The following DPEP1 variants were observed in gnomAD, a reference collection of about 807,000 sequenced individuals.
DPEP1 encodes beta-lactamase.
In DPEP1, 50 loss-of-function variants were observed where a neutral mutation model predicts 42.3. The observed-to-expected ratio is 1.18, with a 90% CI of 0.94 to 1.50. The LOEUF is 1.50. Ranked by LOEUF, DPEP1 falls within the 40% of genes most tolerant of loss-of-function variation. The pLI, the probability that DPEP1 is intolerant of heterozygous loss-of-function variation, is 0.00. For missense variants in DPEP1, 663 were observed against 553.0 expected (o/e 1.20, Z -1.99); for synonymous variants, 297 against 234.0 (o/e 1.27, Z -2.46).
chr16:89,622,611 C>T (rs1271157175), intron 1 of DPEP1, among the ~76,000 whole-genome samples: 2 of 152,102 alleles, frequency 1.3e-5, no homozygotes, highest in East Asian at 3.9e-4. Flanking sequence ...TGGTGAAACC[C>T]TGTCTCTACT....
chr16:89,616,677 G>A (rs142459544), intron 1 of DPEP1, among the ~76,000 whole-genome samples: 6 of 152,204 alleles, frequency 3.9e-5, no homozygotes, highest in Non-Finnish European at 5.9e-5. Flanking sequence ...TGGGACGGCT[G>A]GGCCTTCTCC....
At chr16:89,619,800 GCCCTGTGCCCCCCA>G (rs1567980929) in intron 1 of DPEP1, among the ~76,000 whole-genome samples, 3 of 278 alleles carry the variant, frequency 0.011, no homozygotes, top group African/African-American at 0.054. Flanking sequence ...TCCCTGCAGC[GCCCTGTGCCCCCCA>G]CTCCCCTCTC....
chr16:89,635,251 C>G (rs1371053687), intron 2 of DPEP1, among the ~76,000 whole-genome samples: 1 of 150,516 alleles, frequency 6.6e-6, no homozygotes, highest in African/African-American at 2.5e-5. Context: ...CACGAGAGCT[C>G]CTACCCTCAC....
At chr16:89,616,816 C>CCAGGAAGTGGCCAGGAAGCGGA (rs1010474248) in intron 1 of DPEP1, 2 of 246,594 alleles carry the variant, frequency 8.1e-6, no homozygotes, top group South Asian at 6.7e-5. Flanking sequence ...CAGAAAGCGG[C>CCAGGAAGTGGCCAGGAAGCGGA]CAGGAAGTGG....
chr16:89,636,391 G>T lies in DPEP1; in HGVS notation c.365G>T (p.Ser122Ile). The change falls in exon 4 of 11, where the codon AGT becomes ATT. Residue 122 changes from serine to isoleucine, a missense_variant. Coordinates refer to ENST00000690203, the MANE Select transcript of DPEP1 (RefSeq NM_001389466.1). ...YPETFLYVTS[S>I]AGIRQAFREG... Reference sequence around the variant, plus strand: ...GAGACCTTCCTGTATGTCACCAGCAGTGCAGGTGGGGTCCTGACCTGGGTC... The same window carrying T: ...GAGACCTTCCTGTATGTCACCAGCATTGCAGGTGGGGTCCTGACCTGGGTC... The T allele has an allele frequency of 1.2e-6, 2 of 1,611,546 alleles. No individual in the cohort carries two copies. Among genetic ancestry groups the T allele is most frequent in the Admixed American group, 1.7e-5 (1 of 59,936 alleles).
At chr16:89,632,081 C>A (rs993421762) in intron 2 of DPEP1, among the ~76,000 whole-genome samples, 1 of 152,096 alleles carries the variant, frequency 6.6e-6, no homozygotes, top group African/African-American at 2.4e-5. Flanking sequence ...CTCACTCTGT[C>A]ACCTGTCACC....
In DPEP1 at chr16:89,630,353, C is replaced by T. The variant is rs574937474; in HGVS notation, c.-58C>T. On this transcript the variant is annotated 5_prime_UTR_variant, in exon 2 of 11. Coordinates refer to ENST00000690203, the MANE Select transcript of DPEP1 (RefSeq NM_001389466.1). ...AAGCTCATCCTTCTGCACGGGCCAG[C>T]CAGGCCAGCACAGAGGCACCAGGGC... 2.4e-4 allele frequency: 344 copies of T among 1,458,882 alleles called. 2 individuals are homozygous for T. The Middle Eastern group carries it at 3.3e-3, about 14-fold the overall frequency. 90.4% of individuals were successfully genotyped at this position (1,458,882 alleles called of 1,614,324 possible).
rs766750342 is a variant in DPEP1, at chr16:89,635,965, G to C, written c.162G>C (p.Glu54Asp). The C allele has an allele frequency of 1.9e-6, 3 of 1,612,268 alleles. No homozygotes were observed. Among genetic ancestry groups the C allele is most frequent in the Admixed American group, 1.7e-5 (1 of 59,930 alleles). Reference sequence around the variant, plus strand: ...TGTTCAACAACCGGCTGCAGGACGAGAGGGCCAACCTGACCACCTTGGCCG... The same window carrying C: ...TGTTCAACAACCGGCTGCAGGACGACAGGGCCAACCTGACCACCTTGGCCG... ...LDMFNNRLQDERANLTTLAGT... is the reference protein window; with the variant it reads ...LDMFNNRLQDDRANLTTLAGT... The change falls in exon 3 of 11, where the codon GAG (glutamate) becomes GAC (aspartate). Residue 54 changes from glutamate to aspartate, a missense_variant. By Grantham distance (45) the Glu-to-Asp change is conservative (BLOSUM62 2). Transcript: ENST00000690203.
At chr16:89,639,906 C>T (rs1369688846), downstream of DPEP1, among the ~76,000 whole-genome samples, 2 of 131,670 alleles carry the variant, frequency 1.5e-5, no homozygotes, top group African/African-American at 5.9e-5. Flanking sequence ...CCAACCCCGA[C>T]CTCAGGTGAT....
In DPEP1 at chr16:89,638,422, C is replaced by T; in HGVS notation, c.*200C>T. 7.5e-7 allele frequency: 1 copy of T among 1,341,406 alleles called. No homozygotes were observed. The highest frequency in any genetic ancestry group is 9.5e-7 in the Non-Finnish European group (1 of 1,051,872). The allele number at this position is 1,341,406 out of a possible 1,614,324, so 83.1% of individuals were successfully genotyped here. A position where few individuals can be genotyped will look rare whatever the true frequency, so the allele number is the denominator to read the frequency against. On this transcript the variant is annotated 3_prime_UTR_variant, in exon 11 of 11. Coordinates refer to ENST00000690203, the MANE Select transcript of DPEP1 (RefSeq NM_001389466.1). ...CACAGTAGGCCCGCAATAAAAGCAA[C>T]ACCCCTTCACATCCTGGGGTACGTG...
intron 2 of DPEP1, among the ~76,000 whole-genome samples, chr16:89,633,364 C>A (rs1403328840): frequency 6.6e-6 from 1 of 152,274 alleles, no homozygotes; most frequent in East Asian, 1.9e-4. Context: ...GCCCGCCCAT[C>A]TGCCCAGGGG....
intron 1 of DPEP1, among the ~76,000 whole-genome samples, chr16:89,614,170 G>T (rs2059358765): frequency 6.6e-6 from 1 of 152,050 alleles, no homozygotes; most frequent in Non-Finnish European, 1.5e-5. Context: ...CAGACCCGCC[G>T]CTGTCCTCCC....
intron 1 of DPEP1, chr16:89,626,554 T>C (rs1011342338): frequency 2.0e-5 from 3 of 152,116 alleles, no homozygotes; most frequent in African/African-American, 7.2e-5. Flanking sequence ...TTCTCCATGT[T>C]GGTCAGGCTG....
intron 1 of DPEP1, among the ~76,000 whole-genome samples, chr16:89,614,092 G>A (rs1013340436): frequency 6.6e-6 from 1 of 151,898 alleles, no homozygotes; most frequent in African/African-American, 2.4e-5. Context: ...CTAGGAAACT[G>A]GGGCCAGGTG....
Position 89,636,657 on chromosome 16 carries a change from C to T in DPEP1, c.495C>T (p.Thr165=), listed in dbSNP as rs774380984. The change falls in exon 5 of 11, where the codon ACC becomes ACT. Residue 165 remains threonine (T), a synonymous_variant. Coordinates refer to ENST00000690203, the MANE Select transcript of DPEP1 (RefSeq NM_001389466.1). ...ATCAGCTGGGCATGCGGTACCTGAC[C>T]CTCACCCACAGCTGCAACACGCCCT... is the stretch of plus-strand genomic sequence containing the variant. ...ALYQLGMRYL[T]LTHSCNTPWA... The T allele has an allele frequency of 1.9e-6, 3 of 1,612,436 alleles. No homozygotes were observed. Among genetic ancestry groups the T allele is most frequent in the Non-Finnish European group, 2.5e-6 (3 of 1,179,956 alleles).
rs61024711 is a variant in DPEP1, at chr16:89,634,329, T to C, written c.105-1579T>C. On this transcript the variant is annotated intron_variant, in intron 2 of 10. Transcript: ENST00000690203. ...ATCTCGATCTCCTGACCTTGTGATC[T>C]GCCCACCTCGGCCTCCCAAAGTGCT... Among the ~76,000 whole-genome samples the C allele has an allele frequency of 9.7e-3, 1,478 of 152,164 alleles. 23 individuals are homozygous for C. The highest frequency in any genetic ancestry group is 0.034 in the African/African-American group (1,419 of 41,524).
At chr16:89,622,307 C>G (rs1265413802) in intron 1 of DPEP1, among the ~76,000 whole-genome samples, 1 of 152,172 alleles carries the variant, frequency 6.6e-6, no homozygotes, top group Non-Finnish European at 1.5e-5. Flanking sequence ...ACAAAGGACC[C>G]TGGTCAGTCG....
chr16:89,624,599 A>G (rs2059484862), intron 1 of DPEP1, among the ~76,000 whole-genome samples: 3 of 151,520 alleles, frequency 2.0e-5, no homozygotes, highest in Middle Eastern at 3.2e-3. Flanking sequence ...CAGTGGCGCC[A>G]TCTCGGCTCA....
At chr16:89,616,380 G>A (rs1000488543) in intron 1 of DPEP1, among the ~76,000 whole-genome samples, 4 of 152,180 alleles carry the variant, frequency 2.6e-5, no homozygotes, top group African/African-American at 4.8e-5. Context: ...AGCTGTGAGA[G>A]GATCGGACAG....
Sources: gnomAD v4.1 joint callset for allele counts (sites outside exome capture counted in the v4.1 genomes callset) on GRCh38, gnomAD v4.1.1 for gene constraint, MANE v1.5 for transcripts, NCBI Gene and HGNC (gene_info 2026-07-23, HGNC 2026-07-21) for gene names.